RAPGEF4: variants seen among roughly 807,000 people sequenced by gnomAD.
RAPGEF4 encodes RAP guanine-nucleotide-exchange factor (GEF) 4.
RAPGEF4 carries 66 observed loss-of-function variants against 147.9 expected under a neutral mutation model. That is an observed-to-expected ratio of 0.45 (90% CI 0.37 to 0.55). The LOEUF is 0.55. Among genes scored for constraint, RAPGEF4 ranks in the 20% least tolerant of loss-of-function variants. The probability of loss-of-function intolerance (pLI) is 0.00; values close to 1 mark genes in which losing one functional copy is unlikely to be tolerated. For synonymous variants in RAPGEF4, 419 were observed against 442.7 expected, an observed-to-expected ratio of 0.95 and a Z score of 0.67; for missense variants, 1,071 against 1,257.3, an observed-to-expected ratio of 0.85 and a Z score of 2.24.
At chr2:172,832,947 G>A (rs72900217) in intron 4 of RAPGEF4, among the ~76,000 whole-genome samples, 16,841 of 152,276 alleles carry the variant, frequency 0.11, 966 homozygotes, top group South Asian at 0.18. Context: ...TGGGCGCGGT[G>A]GCTCACGCCT....
chr2:172,828,795 C>A (rs139044423), intron 4 of RAPGEF4, among the ~76,000 whole-genome samples: 1 of 152,182 alleles, frequency 6.6e-6, no homozygotes, highest in Non-Finnish European at 1.5e-5. Flanking sequence ...ACAACGCCTC[C>A]CAGTTCAGGC....
chr2:172,920,233 CA>C (rs771578677), intron 5 of RAPGEF4, among the ~76,000 whole-genome samples: 7 of 151,950 alleles, frequency 4.6e-5, no homozygotes. Context: ...TTATTTTTGA[CA>C]TTTTTTTTCT....
intron 22 of RAPGEF4, among the ~76,000 whole-genome samples, chr2:173,020,082 A>AT (rs1216221578): frequency 6.6e-6 from 1 of 152,154 alleles, no homozygotes; most frequent in South Asian, 2.1e-4. Context: ...AAATGAACTA[A>AT]TTTTTTAATT....
At chr2:172,976,323 G>T (rs1042271389) in intron 10 of RAPGEF4, among the ~76,000 whole-genome samples, 1 of 152,152 alleles carries the variant, frequency 6.6e-6, no homozygotes, top group Non-Finnish European at 1.5e-5. Flanking sequence ...GTCCTGAGAG[G>T]TGAGGCAAAG....
intron 3 of RAPGEF4, among the ~76,000 whole-genome samples, chr2:172,812,775 C>T (rs927792388): frequency 5.9e-5 from 9 of 152,240 alleles, no homozygotes; most frequent in East Asian, 1.9e-4. Context: ...GAATTCTTTC[C>T]GAAGGGTTCA....
At chr2:173,013,728 G>T (rs961558490) in intron 17 of RAPGEF4, among the ~76,000 whole-genome samples, 4 of 152,152 alleles carry the variant, frequency 2.6e-5, no homozygotes, top group Non-Finnish European at 5.9e-5. Flanking sequence ...TATCCTAGGC[G>T]TAGTGTAGAA....
intron 3 of RAPGEF4, among the ~76,000 whole-genome samples, chr2:172,801,026 T>C (rs1215269175): frequency 2.0e-5 from 3 of 152,146 alleles, no homozygotes; most frequent in Non-Finnish European, 4.4e-5. Context: ...GTGCCTTCCT[T>C]GTGTGGCTCG....
chr2:172,887,999 A>T (rs1003712832), intron 4 of RAPGEF4, among the ~76,000 whole-genome samples: 1 of 152,136 alleles, frequency 6.6e-6, no homozygotes, highest in African/African-American at 2.4e-5. Context: ...TCTTGTGTTT[A>T]TCTCCTACTA....
intron 8 of RAPGEF4, among the ~76,000 whole-genome samples, chr2:172,963,859 C>G (rs188406042): frequency 6.6e-6 from 1 of 152,298 alleles, no homozygotes; most frequent in Admixed American, 6.5e-5. Context: ...TACTAGCGGT[C>G]TGCTGTCAAT....
intron 27 of RAPGEF4, 74 bp downstream of exon 27, chr2:173,034,038 C>A: frequency 7.0e-7 from 1 of 1,431,166 alleles, no homozygotes; most frequent in Admixed American, 2.2e-5. Context: ...AATTGAAGTT[C>A]TCATTTTGGA....
chr2:172,861,809 T>C (rs1277658244), intron 4 of RAPGEF4, among the ~76,000 whole-genome samples: 1 of 152,200 alleles, frequency 6.6e-6, no homozygotes, highest in African/African-American at 2.4e-5. Flanking sequence ...AGTTGAGTTT[T>C]GGAGGTAATG....
At chr2:172,931,170 G>GGC (rs1192693222) in intron 6 of RAPGEF4, among the ~76,000 whole-genome samples, 1 of 46,320 alleles carries the variant, frequency 2.2e-5, no homozygotes. Context: ...GCCAGGCCGG[G>GGC]GTGGGGGGGG....
At chr2:172,797,449 C>A in intron 2 of RAPGEF4, 76 bp from the exon 3 acceptor site, 1 of 1,140,960 alleles carries the variant, frequency 8.8e-7, no homozygotes, top group Non-Finnish European at 1.3e-6. Context: ...ATGCTTGGAC[C>A]AGTGAAAAAC....
At chr2:172,960,107 T>A (rs1474615161) in intron 6 of RAPGEF4, among the ~76,000 whole-genome samples, 1 of 152,020 alleles carries the variant, frequency 6.6e-6, no homozygotes, top group African/African-American at 2.4e-5. Flanking sequence ...AAAACTAGAA[T>A]GTAGATAATC....
intron 14 of RAPGEF4, 26 bp from the exon 15 acceptor site, chr2:172,990,784 G>A (rs751097318): frequency 3.2e-6 from 5 of 1,554,736 alleles, no homozygotes; most frequent in African/African-American, 1.4e-5. Flanking sequence ...GGCAGCATCT[G>A]TATGTGGTGT....
intron 4 of RAPGEF4, among the ~76,000 whole-genome samples, chr2:172,900,292 T>A (rs1462832556): frequency 6.6e-6 from 1 of 152,218 alleles, no homozygotes. Flanking sequence ...CAGTGTGGAG[T>A]GCAGTGGCGT....
At chr2:172,871,420 A>G (rs1695222554) in intron 4 of RAPGEF4, among the ~76,000 whole-genome samples, 2 of 152,176 alleles carry the variant, frequency 1.3e-5, no homozygotes, top group African/African-American at 2.4e-5. Context: ...GAAATGGCTT[A>G]CAGAGCCCAG....
chr2:172,874,363 A>AG (rs769642108), intron 4 of RAPGEF4, among the ~76,000 whole-genome samples: 3 of 152,036 alleles, frequency 2.0e-5, no homozygotes, highest in Non-Finnish European at 4.4e-5. Flanking sequence ...CTCGTCATTT[A>AG]CATTAGGTAT....
intron 15 of RAPGEF4, among the ~76,000 whole-genome samples, chr2:172,992,052 C>T (rs137953196): frequency 4.5e-4 from 69 of 152,306 alleles, no homozygotes; most frequent in African/African-American, 1.5e-3. Context: ...TCAAGTCCAG[C>T]TTGACCAGTT....
Sources: allele counts gnomAD v4.1 joint callset (sites outside exome capture counted in the v4.1 genomes callset), GRCh38; gene constraint gnomAD v4.1.1; transcripts MANE v1.5; gene names NCBI Gene and HGNC (gene_info 2026-07-23, HGNC 2026-07-21).